The following URI1 variants were observed in gnomAD, a reference collection of about 807,000 sequenced individuals.
The protein encoded by URI1 is URI1 prefoldin like chaperone.
In URI1, 39 loss-of-function variants were observed where a neutral mutation model predicts 60.2. That is an observed-to-expected ratio of 0.65 (90% CI 0.50 to 0.85). The LOEUF (loss-of-function observed/expected upper bound fraction) is 0.85. Ranked by LOEUF, URI1 falls within the 40% of genes least tolerant of loss-of-function variation. The pLI is 0.00. For missense variants in URI1, 691 were observed against 665.9 expected, an observed-to-expected ratio of 1.04 and a Z score of -0.42; for synonymous variants, 251 against 236.8, an observed-to-expected ratio of 1.06 and a Z score of -0.55.
chr19:29,957,737 C>T (rs545881052), intron 1 of URI1, among the ~76,000 whole-genome samples: 9 of 152,126 alleles, frequency 5.9e-5, no homozygotes, highest in Middle Eastern at 3.4e-3. Flanking sequence ...AAGATGTTTA[C>T]AATATTAAGT....
intron 1 of URI1, among the ~76,000 whole-genome samples, chr19:29,932,314 TGA>T (rs2054928243): frequency 3.9e-5 from 6 of 152,050 alleles, no homozygotes; most frequent in Non-Finnish European, 7.4e-5. Flanking sequence ...ATGATGATGA[TGA>T]TGATTATTAT....
At chr19:29,926,286 A>T (rs200063913) in intron 1 of URI1, among the ~76,000 whole-genome samples, 9,305 of 92,642 alleles carry the variant, frequency 0.1, 376 homozygotes, top group East Asian at 0.21. Flanking sequence ...CTTCCTTCCT[A>T]CCTTCTTTCC....
At chr19:29,985,415 A>C in intron 3 of URI1, 114 bp downstream of exon 3, 3 of 769,388 alleles carry the variant, frequency 3.9e-6, no homozygotes, top group Non-Finnish European at 4.0e-6. Flanking sequence ...ACTATGTAGC[A>C]AGGAAGATTT....
At chr19:29,995,348 T>G (rs1438115537) in intron 4 of URI1, among the ~76,000 whole-genome samples, 1 of 152,186 alleles carries the variant, frequency 6.6e-6, no homozygotes, top group Non-Finnish European at 1.5e-5. Flanking sequence ...TTTCATGTGT[T>G]TATTGGCCAC....
chr19:30,004,333 C>T (rs890833797), intron 4 of URI1: 2 of 152,014 alleles, frequency 1.3e-5, no homozygotes, highest in Non-Finnish European at 2.9e-5. Flanking sequence ...ACATGTGCCA[C>T]TCTCGAGAAG....
intron 10 of URI1, among the ~76,000 whole-genome samples, chr19:30,013,872 A>G (rs2056053473): frequency 6.6e-6 from 1 of 152,160 alleles, no homozygotes; most frequent in South Asian, 2.1e-4. Context: ...AAAATAATGT[A>G]GGAGAGAGAT....
At chr19:30,012,615 TA>T in intron 10 of URI1, 84 bp downstream of exon 10, 1 of 1,487,268 alleles carries the variant, frequency 6.7e-7, no homozygotes, top group Non-Finnish European at 9.0e-7. Context: ...GTCATAAGAT[TA>T]AATTAATTCT....
intron 1 of URI1, among the ~76,000 whole-genome samples, chr19:29,943,536 G>T (rs2055059962): frequency 6.6e-6 from 1 of 152,068 alleles, no homozygotes; most frequent in Non-Finnish European, 1.5e-5. Flanking sequence ...GATTATAAAG[G>T]GTTAGGAAGT....
intron 4 of URI1, among the ~76,000 whole-genome samples, chr19:29,994,931 C>T (rs2055792803): frequency 6.6e-6 from 1 of 151,980 alleles, no homozygotes; most frequent in Non-Finnish European, 1.5e-5. Context: ...CAGGTGTGCA[C>T]CACCATGCCC....
At chr19:29,976,836 A>G (rs1296483994) in intron 2 of URI1, among the ~76,000 whole-genome samples, 2 of 152,224 alleles carry the variant, frequency 1.3e-5, no homozygotes, top group Admixed American at 6.5e-5. Flanking sequence ...TTGAAATTAC[A>G]TGAAACAGAC....
intron 1 of URI1, among the ~76,000 whole-genome samples, chr19:29,924,710 C>G (rs1461574306): frequency 6.6e-6 from 1 of 152,250 alleles, no homozygotes; most frequent in African/African-American, 2.4e-5. Flanking sequence ...GCAACAGCAG[C>G]ACACTGACCA....
chr19:29,983,956 C>A (rs456547), intron 2 of URI1, among the ~76,000 whole-genome samples: 150 of 152,266 alleles, frequency 9.9e-4, no homozygotes, highest in African/African-American at 3.3e-3. Context: ...TACTTAATTT[C>A]TTCTACCCCC....
chr19:29,976,146 A>G (rs563375528), intron 2 of URI1, among the ~76,000 whole-genome samples: 1 of 152,316 alleles, frequency 6.6e-6, no homozygotes, highest in South Asian at 2.1e-4. Context: ...GACTGAGAGT[A>G]TAGCTCTGAA....
chr19:29,956,931 G>T, intron 1 of URI1: 1 of 1,050,518 alleles, frequency 9.5e-7, no homozygotes, highest in African/African-American at 1.6e-5. Context: ...CGTCCCTTCA[G>T]AGTAACGTTG....
At chr19:29,945,378 T>C (rs1370401296) in intron 1 of URI1, among the ~76,000 whole-genome samples, 1 of 152,182 alleles carries the variant, frequency 6.6e-6, no homozygotes, top group Non-Finnish European at 1.5e-5. Context: ...ACGCTCTCTC[T>C]CTCTTTTTTT....
In URI1 at chr19:30,009,165, A is replaced by C. The variant is rs148462749; in HGVS notation, c.847A>C (p.Asn283His). Residue 283 changes from asparagine to histidine, a missense_variant, in exon 8 of 11, where the codon AAT becomes CAT. Coordinates refer to ENST00000392271, the MANE Select transcript of URI1 (RefSeq NM_003796.3). ...ASSEPFSGQVNSQLNCSVNGS... is the reference protein window; with the variant it reads ...ASSEPFSGQVHSQLNCSVNGS... ...TTCAGAACCATTCAGTGGTCAAGTG[A>C]ATAGTCAGTTGAACTGTTCAGTGAA... is the stretch of plus-strand genomic sequence containing the variant. The C allele has an allele frequency of 9.9e-6, 16 of 1,613,882 alleles. No individual in the cohort carries two copies. Among genetic ancestry groups the C allele is most frequent in the Non-Finnish European group, 1.4e-5 (16 of 1,179,978 alleles).
In URI1 at chr19:30,009,124, A is replaced by C. The variant is rs779032285; in HGVS notation, c.806A>C (p.His269Pro). Residue 269 changes from histidine to proline, a missense_variant, in exon 8 of 11, where the codon CAT (histidine) becomes CCT (proline). Physicochemically the swap from His to Pro is moderately conservative, Grantham distance 77. Coordinates refer to ENST00000392271, the MANE Select transcript of URI1 (RefSeq NM_003796.3). ...GTAACAGACTCTCATACTCCTTGTC[A>C]TAAGGATGTTGCAAGTTCAGAACCA... ...HQVTDSHTPC[H>P]KDVASSEPFS... 3 of 1,614,046 alleles carry C rather than the reference A, an allele frequency of 1.9e-6. No homozygotes were observed. The highest frequency in any genetic ancestry group is 1.7e-6 in the Non-Finnish European group (2 of 1,179,970).
chr19:29,962,248 GTTC>G (rs1169509641), intron 1 of URI1, among the ~76,000 whole-genome samples: 4 of 148,500 alleles, frequency 2.7e-5, no homozygotes, highest in African/African-American at 9.9e-5. Context: ...GTACTTTTAT[GTTC>G]TTTTTTCTCT....
chr19:29,960,579 G>A (rs1442642704), intron 1 of URI1, among the ~76,000 whole-genome samples: 1 of 151,966 alleles, frequency 6.6e-6, no homozygotes, highest in African/African-American at 2.4e-5. Flanking sequence ...ATTAGTATTA[G>A]TATGGTCACA....
Sources: allele counts gnomAD v4.1 joint callset (sites outside exome capture counted in the v4.1 genomes callset), GRCh38; gene constraint gnomAD v4.1.1; transcripts MANE v1.5; gene names NCBI Gene and HGNC (gene_info 2026-07-23, HGNC 2026-07-21).